Variants in GALM observed in about 807,000 individuals in gnomAD.
GALM encodes the protein galactose mutarotase.
A neutral mutation model predicts 37.4 loss-of-function variants in GALM; 43 were observed. That is an observed-to-expected ratio of 1.15 (90% CI 0.90 to 1.48). The LOEUF is 1.48. Ranked by LOEUF, GALM falls within the 40% of genes most tolerant of loss-of-function variation. The pLI, the probability that GALM is intolerant of heterozygous loss-of-function variation, is 0.00. For synonymous variants in GALM, 199 were observed against 170.6 expected, an observed-to-expected ratio of 1.17 and a Z score of -1.30; for missense variants, 456 against 419.1, an observed-to-expected ratio of 1.09 and a Z score of -0.77.
At chr2:38,712,624 G>C (rs146348323) in intron 4 of GALM, among the ~76,000 whole-genome samples, 2 of 152,130 alleles carry the variant, frequency 1.3e-5, no homozygotes, top group African/African-American at 2.4e-5. Flanking sequence ...TTAGATCTAG[G>C]AGACTGTCCC....
At chr2:38,675,330 T>C (rs575722522) in intron 1 of GALM, among the ~76,000 whole-genome samples, 5 of 152,320 alleles carry the variant, frequency 3.3e-5, no homozygotes, top group African/African-American at 9.6e-5. Flanking sequence ...TTCTTTGTGC[T>C]GTATAAAATT....
intron 4 of GALM, among the ~76,000 whole-genome samples, chr2:38,718,194 TTC>T (rs1243024818): frequency 1.1e-5 from 1 of 90,210 alleles, no homozygotes; most frequent in Non-Finnish European, 2.4e-5. Context: ...TTTTTTTCTT[TTC>T]TTTTTTTTTT....
chr2:38,668,975 G>A (rs1665022591), intron 1 of GALM: 1 of 152,052 alleles, frequency 6.6e-6, no homozygotes, highest in Non-Finnish European at 1.5e-5. Flanking sequence ...TTCCCAGACA[G>A]GTTATATAAA....
chr2:38,698,070 A>G (rs1196660556), intron 4 of GALM, among the ~76,000 whole-genome samples: 1 of 151,780 alleles, frequency 6.6e-6, no homozygotes, highest in African/African-American at 2.4e-5. Flanking sequence ...CAGCCTCCCA[A>G]TTAGCTGGGA....
At chr2:38,676,207 G>A (rs767195328) in intron 2 of GALM, 141 bp downstream of exon 2, 128 of 759,564 alleles carry the variant, frequency 1.7e-4, no homozygotes, top group Non-Finnish European at 2.2e-4. Flanking sequence ...AGGGCAGCAG[G>A]TGCAATGGGC....
In GALM at chr2:38,675,957, T is replaced by G; in HGVS notation, c.236T>G (p.Val79Gly). 6.2e-7 allele frequency: 1 copy of G among 1,613,954 alleles called. No homozygotes were observed. The highest frequency in any genetic ancestry group is 8.5e-7 in the Non-Finnish European group (1 of 1,179,984). ...QPYFGAVIGR[V>G]ANRIAKGTFK... ...TACTTTGGAGCAGTTATTGGGAGGGTGGCCAACCGAATCGCCAAAGGAACC... is the reference window on the plus strand; with the variant it reads ...TACTTTGGAGCAGTTATTGGGAGGGGGGCCAACCGAATCGCCAAAGGAACC... The change falls in exon 2 of 7, where the codon GTG becomes GGG. Residue 79 changes from valine to glycine, a missense_variant. Coordinates refer to ENST00000272252, the MANE Select transcript of GALM (RefSeq NM_138801.3).
At chr2:38,696,611 T>G (rs2148440095) in intron 4 of GALM, among the ~76,000 whole-genome samples, 1 of 151,520 alleles carries the variant, frequency 6.6e-6, no homozygotes, top group South Asian at 2.1e-4. Flanking sequence ...TTTTCTTTTT[T>G]TACACGAAAA....
At chr2:38,731,624 G>T in intron 5 of GALM, 111 bp from the exon 6 acceptor site, 1 of 771,666 alleles carries the variant, frequency 1.3e-6, no homozygotes, top group South Asian at 1.6e-5. Context: ...CTTATATCTT[G>T]TCCCTGCTCT....
At position 38,689,883 on chromosome 2, in the gene GALM, T is replaced by C; in HGVS notation, c.623T>C (p.Leu208Pro). The change falls in exon 4 of 7, where the codon CTG becomes CCG. Residue 208 changes from leucine (L) to proline (P), a missense_variant. Physicochemically the swap from Leu to Pro is moderately conservative, Grantham distance 98 (BLOSUM62 -3). Transcript: ENST00000272252. ...ACTTATTTGCCTGTGGATGAAACCC[T>C]GATTCCTACAGGTTGGTGAATTTAA... is the stretch of plus-strand genomic sequence containing the variant. The part of the protein sequence containing the change: ...ADTYLPVDET[L>P]IPTGEVAPVQ... 6.2e-7 allele frequency: 1 copy of C among 1,604,382 alleles called. No homozygotes were observed. Among genetic ancestry groups the C allele is most frequent in the Non-Finnish European group, 8.5e-7 (1 of 1,171,814 alleles).
chr2:38,698,414 T>TG, intron 4 of GALM: 1 of 1,303,920 alleles, frequency 7.7e-7, no homozygotes, highest in Non-Finnish European at 1.0e-6. Context: ...CTTTTACCCA[T>TG]GGACCAGGAG....
intron 1 of GALM, among the ~76,000 whole-genome samples, chr2:38,670,286 G>A (rs1289407514): frequency 3.9e-5 from 6 of 152,108 alleles, no homozygotes; most frequent in African/African-American, 7.2e-5. Context: ...TCATTGAAAC[G>A]CCTTCCTTTT....
intron 4 of GALM, among the ~76,000 whole-genome samples, chr2:38,726,372 G>A (rs1320287333): frequency 3.3e-5 from 5 of 149,782 alleles, no homozygotes; most frequent in South Asian, 2.1e-4. Context: ...GACTACAGGC[G>A]CCCGCCACTA....
chr2:38,708,731 GAAAAAAAAAA>G (rs35151264), intron 4 of GALM, among the ~76,000 whole-genome samples: 1 of 91,530 alleles, frequency 1.1e-5, no homozygotes, highest in Admixed American at 1.1e-4. Flanking sequence ...TCTGTCTCAA[GAAAAAAAAAA>G]AAAAAAAAGA....
chr2:38,675,537 T>TGTGTGTG (rs1558577612), intron 1 of GALM, among the ~76,000 whole-genome samples: 7 of 90,054 alleles, frequency 7.8e-5, no homozygotes, highest in Admixed American at 1.2e-4. Context: ...TTTTTTTTTT[T>TGTGTGTG]TTTTTTTGTG....
chr2:38,669,491 A>T (rs906405218), intron 1 of GALM: 1 of 152,256 alleles, frequency 6.6e-6, no homozygotes, highest in Admixed American at 6.5e-5. Context: ...GCCTTCTTCA[A>T]TCCGGTGTCT....
intron 4 of GALM, among the ~76,000 whole-genome samples, chr2:38,708,744 A>G (rs1162831531): frequency 5.3e-5 from 8 of 152,018 alleles, no homozygotes; most frequent in Admixed American, 2.6e-4. Context: ...AAAAAAAAAA[A>G]AAAAAGAAAG....
intron 3 of GALM, among the ~76,000 whole-genome samples, chr2:38,684,873 G>T (rs1260426265): frequency 1.3e-5 from 2 of 152,056 alleles, no homozygotes; most frequent in East Asian, 3.9e-4. Context: ...ATGAAAGCAG[G>T]TCTGGGGGAA....
At chr2:38,688,899 C>T (rs1335714639) in intron 3 of GALM, among the ~76,000 whole-genome samples, 3 of 152,202 alleles carry the variant, frequency 2.0e-5, no homozygotes, top group African/African-American at 7.2e-5. Flanking sequence ...TGGCTCACCG[C>T]AACCTCCACC....
At chr2:38,717,306 A>AGT (rs56902027) in intron 4 of GALM, among the ~76,000 whole-genome samples, 24,316 of 143,518 alleles carry the variant, frequency 0.17, 2,208 homozygotes, top group Non-Finnish European at 0.23. Flanking sequence ...GTATTAAGGG[A>AGT]GTGTGTGTGT....
Sources: allele counts gnomAD v4.1 joint callset (sites outside exome capture counted in the v4.1 genomes callset), GRCh38; gene constraint gnomAD v4.1.1; transcripts MANE v1.5; gene names NCBI Gene and HGNC (gene_info 2026-07-23, HGNC 2026-07-21).